The following SPINK9 variants were observed in gnomAD, a reference collection of about 807,000 sequenced individuals.
SPINK9 encodes the protein serine peptidase inhibitor Kazal type 9, also known as serine protease inhibitor Kazal-type 9.
A neutral mutation model predicts 10.8 loss-of-function variants in SPINK9; 3 were observed. The observed-to-expected ratio is 0.28, with a 90% CI of 0.13 to 0.72. The LOEUF is 0.72. Among genes scored for constraint, SPINK9 ranks in the 30% least tolerant of loss-of-function variants. The pLI is 0.74. For missense variants in SPINK9, 101 were observed against 103.2 expected (o/e 0.98, Z 0.09); for synonymous variants, 30 against 31.2 (o/e 0.96, Z 0.12).
chr5:148,323,068 T>C (rs10041765), intron 1 of SPINK9, among the ~76,000 whole-genome samples: 51,437 of 151,912 alleles, frequency 0.34, 9,709 homozygotes, highest in African/African-American at 0.52. Context: ...AATTATGGAA[T>C]ACAGAACAGA....
At chr5:148,322,728 C>A (rs1425195113) in intron 1 of SPINK9, among the ~76,000 whole-genome samples, 4 of 152,120 alleles carry the variant, frequency 2.6e-5, no homozygotes, top group African/African-American at 9.7e-5. Flanking sequence ...GGTCTACTGG[C>A]TCAGGGTCTA....
exon 2 of SPINK9, chr5:148,323,718 C>T (rs896779717): frequency 1.5e-6 from 1 of 668,770 alleles, no homozygotes; most frequent in East Asian, 2.8e-5. Context: ...TGAGATTTGT[C>T]TCTCTGTGTG....
intron 2 of SPINK9, among the ~76,000 whole-genome samples, chr5:148,327,418 T>A (rs890270824): frequency 1.3e-5 from 2 of 152,172 alleles, no homozygotes; most frequent in Admixed American, 1.3e-4. Flanking sequence ...CTTTGTCAGA[T>A]GAGTAGGTTG....
intron 2 of SPINK9, among the ~76,000 whole-genome samples, chr5:148,330,323 G>A (rs1018978438): frequency 2.6e-5 from 4 of 152,246 alleles, no homozygotes; most frequent in African/African-American, 7.2e-5. Flanking sequence ...GACTAGGGTT[G>A]CAACCCCTGC....
At chr5:148,332,252 T>G (rs1757161148), upstream of SPINK9, among the ~76,000 whole-genome samples, 1 of 152,192 alleles carries the variant, frequency 6.6e-6, no homozygotes, top group Non-Finnish European at 1.5e-5. Context: ...AGCAGTTACT[T>G]CAGAATGTTA....
At chr5:148,334,876 GATAA>G (rs779124371), upstream of SPINK9, among the ~76,000 whole-genome samples, 138 of 152,254 alleles carry the variant, frequency 9.1e-4, 1 homozygote, top group Non-Finnish European at 2.5e-4. Context: ...GCTTATAGCG[GATAA>G]ATAGCTTGTA....
chr5:148,324,193 T>C (rs771429336), intron 2 of SPINK9, among the ~76,000 whole-genome samples: 2 of 152,180 alleles, frequency 1.3e-5, no homozygotes, highest in African/African-American at 4.8e-5. Flanking sequence ...AACATTTCTA[T>C]TCGTTAGAAA....
In SPINK9 at chr5:148,328,242, C is replaced by T. The variant is rs1757095908; in HGVS notation, c.118+4374C>T. 5.3e-5 allele frequency among the ~76,000 whole-genome samples: 8 copies of T among 152,110 alleles called. No individual in the cohort carries two copies. In the South Asian group the frequency reaches 1.5e-3, roughly 28 times the overall value. On this transcript the variant is annotated intron_variant, in intron 2 of 4. Transcript: ENST00000511717. ...TTCACATCCCTTGTAAGTTGGATTC[C>T]TAGGTATTTTATTCTCTTTGAAGCA...
At chr5:148,336,909 G>A (rs761686604) in intron 2 of SPINK9, among the ~76,000 whole-genome samples, 1 of 152,074 alleles carries the variant, frequency 6.6e-6, no homozygotes, top group Admixed American at 6.6e-5. Flanking sequence ...ACAGTAATGA[G>A]TATTGTTGAA....
upstream of SPINK9, among the ~76,000 whole-genome samples, chr5:148,335,235 CAATTAAAACTTATT>C (rs1394132169): frequency 6.6e-6 from 1 of 152,080 alleles, no homozygotes; most frequent in African/African-American, 2.4e-5. Flanking sequence ...AATTAAGGAA[CAATTAAAACTTATT>C]AAACCATGGC....
At chr5:148,336,002 T>C (rs1044423911) in intron 1 of SPINK9, among the ~76,000 whole-genome samples, 5 of 152,330 alleles carry the variant, frequency 3.3e-5, no homozygotes, top group Middle Eastern at 6.8e-3. Context: ...TTTGGCACCA[T>C]GGGCTATTCT....
chr5:148,330,321 T>A (rs1757131318), intron 2 of SPINK9, among the ~76,000 whole-genome samples: 1 of 152,202 alleles, frequency 6.6e-6, no homozygotes, highest in Non-Finnish European at 1.5e-5. Flanking sequence ...GAGACTAGGG[T>A]TGCAACCCCT....
In SPINK9 at chr5:148,327,876, T is replaced by G. The variant is rs1229502960; in HGVS notation, c.118+4008T>G. Among the ~76,000 whole-genome samples, 5 of 152,178 alleles carry G rather than the reference T, an allele frequency of 3.3e-5. 1 individual carries two copies. On this transcript the variant is annotated intron_variant, in intron 2 of 4. Transcript: ENST00000511717. ...TCCCATTGGTCTATATCTTTGTTTT[T>G]GTACCAGTACCATGCTGTTTTGGTT...
chr5:148,339,188 A>G (rs1011709593), intron 3 of SPINK9, among the ~76,000 whole-genome samples: 2 of 152,178 alleles, frequency 1.3e-5, no homozygotes, highest in African/African-American at 4.8e-5. Flanking sequence ...TTTAAAGATT[A>G]TAAACTAATC....
At chr5:148,333,997 T>C (rs1016339577), upstream of SPINK9, among the ~76,000 whole-genome samples, 5 of 152,194 alleles carry the variant, frequency 3.3e-5, no homozygotes, top group African/African-American at 4.8e-5. Context: ...AATTCTAATA[T>C]AATAGAATTA....
At chr5:148,327,245 C>A (rs2113412701) in intron 2 of SPINK9, among the ~76,000 whole-genome samples, 1 of 152,312 alleles carries the variant, frequency 6.6e-6, no homozygotes, top group East Asian at 1.9e-4. Flanking sequence ...TTTTGATTTG[C>A]ATTTCTCTGA....
At chr5:148,330,853 T>C (rs563392585), upstream of SPINK9, among the ~76,000 whole-genome samples, 5 of 152,322 alleles carry the variant, frequency 3.3e-5, no homozygotes, top group Admixed American at 2.0e-4. Flanking sequence ...TTCTGGCTTA[T>C]AGAGTTTCTC....
chr5:148,329,982 T>C (rs910931731), intron 2 of SPINK9, among the ~76,000 whole-genome samples: 2 of 152,256 alleles, frequency 1.3e-5, no homozygotes, highest in Non-Finnish European at 2.9e-5. Context: ...GTATATTCTG[T>C]TGATTTCGGG....
At position 148,321,523 on chromosome 5, in the gene SPINK9, T is replaced by C. The variant is rs574461621; in HGVS notation, c.-73+123T>C. ...TTTTTTTTTAACAAACGAGGGAAAT[T>C]AAGCTAGAAAGCATAGGTGGGGACC... On this transcript the variant is annotated intron_variant, in intron 1 of 4. Transcript: ENST00000511717. 3 of 151,294 alleles carry C rather than the reference T, an allele frequency of 2.0e-5. No homozygotes were observed. The East Asian group carries it at 5.8e-4, about 29-fold the overall frequency. 9.4% of individuals were successfully genotyped at this position (151,294 alleles called of 1,614,324 possible).
Sources: gnomAD v4.1 joint callset for allele counts (sites outside exome capture counted in the v4.1 genomes callset) on GRCh38, gnomAD v4.1.1 for gene constraint, MANE v1.5 for transcripts, NCBI Gene and HGNC (gene_info 2026-07-23, HGNC 2026-07-21) for gene names.